PALM2AKAP2: variants seen among roughly 807,000 people sequenced by gnomAD.
The protein encoded by PALM2AKAP2 is PALM2-AKAP2 fusion protein.
PALM2AKAP2 carries 37 observed loss-of-function variants against 71.5 expected under a neutral mutation model. The ratio of observed to expected loss-of-function variants is 0.52; its 90% CI spans 0.40 to 0.68. The LOEUF (loss-of-function observed/expected upper bound fraction) is 0.68. PALM2AKAP2 is among the 30% of genes least tolerant of loss of function. The pLI, the probability that PALM2AKAP2 is intolerant of heterozygous loss-of-function variation, is 0.00. For synonymous variants in PALM2AKAP2, 468 were observed against 478.8 expected, an observed-to-expected ratio of 0.98 and a Z score of 0.29; for missense variants, 1,224 against 1,191.8, an observed-to-expected ratio of 1.03 and a Z score of -0.40.
In PALM2AKAP2 at chr9:110,016,980, T is replaced by C. The variant is rs375114394; in HGVS notation, c.582+941T>C. 9.3e-3 allele frequency among the ~76,000 whole-genome samples: 1,418 copies of C among 152,162 alleles called. 29 individuals are homozygous for C. The highest frequency in any genetic ancestry group is 0.031 in the African/African-American group (1,273 of 41,496). On this transcript the variant is annotated intron_variant, in intron 7 of 9. Transcript: ENST00000302798. ...CTGCAAGCTCCGCCTCCCGGGTTCATGCCATTCTCCTGCCTCAGCCTCCTG... is the reference window on the plus strand; with the variant it reads ...CTGCAAGCTCCGCCTCCCGGGTTCACGCCATTCTCCTGCCTCAGCCTCCTG...
At chr9:109,663,962 G>C (rs553742781) in intron 1 of PALM2AKAP2, among the ~76,000 whole-genome samples, 26 of 152,158 alleles carry the variant, frequency 1.7e-4, no homozygotes, top group Non-Finnish European at 3.2e-4. Flanking sequence ...TGTCTCTTTT[G>C]ATCTTTGTTG....
At chr9:110,136,544 A>G in exon 2 of PALM2AKAP2, 6 of 1,613,514 alleles carry the variant, frequency 3.7e-6, no homozygotes, top group Non-Finnish European at 5.1e-6. Context: ...GCCAGAACCC[A>G]CTGAAAGAAC....
chr9:109,655,025 C>T (rs1395573178), intron 1 of PALM2AKAP2, among the ~76,000 whole-genome samples: 1 of 152,142 alleles, frequency 6.6e-6, no homozygotes, highest in East Asian at 1.9e-4. Flanking sequence ...CGCGGTGGCT[C>T]ACGCCTGTAA....
chr9:109,823,680 T>A (rs948317559), intron 1 of PALM2AKAP2, among the ~76,000 whole-genome samples: 2 of 152,136 alleles, frequency 1.3e-5, no homozygotes, highest in African/African-American at 2.4e-5. Flanking sequence ...CTCTCCCTGT[T>A]ACTGTGGGAA....
chr9:109,925,190 C>T, intron 5 of PALM2AKAP2, 108 bp downstream of exon 5: 1 of 1,548,526 alleles, frequency 6.5e-7, no homozygotes, highest in Non-Finnish European at 8.9e-7. Context: ...TTTGTAAAGG[C>T]ATCAGAAGAA....
intron 6 of PALM2AKAP2, among the ~76,000 whole-genome samples, chr9:109,948,372 A>T (rs912393488): frequency 3.9e-5 from 6 of 152,222 alleles, no homozygotes; most frequent in African/African-American, 7.2e-5. Flanking sequence ...CCTTTCCAGT[A>T]TAATATAAGA....
intron 7 of PALM2AKAP2, among the ~76,000 whole-genome samples, chr9:110,018,749 T>C (rs1369555148): frequency 6.6e-6 from 1 of 152,236 alleles, no homozygotes; most frequent in Non-Finnish European, 1.5e-5. Flanking sequence ...TGGATATAAC[T>C]ACAGAAAATG....
chr9:110,094,857 A>C (rs2118821626), intron 1 of PALM2AKAP2, among the ~76,000 whole-genome samples: 1 of 152,352 alleles, frequency 6.6e-6, no homozygotes, highest in Non-Finnish European at 1.5e-5. Context: ...ACTGTAGCAA[A>C]TAATGGAAAA....
chr9:110,162,206 C>A lies in PALM2AKAP2; in HGVS notation c.2748+5709C>A. On this transcript the variant is annotated intron_variant, in intron 3 of 3. Transcript: ENST00000374525. ...TGCATGCTGTTGTGGTTTGCCATTT[C>A]CTGATGAGTTAAACGAAAATGGCAA... 3.2e-6 allele frequency: 5 copies of A among 1,584,334 alleles called. No homozygotes were observed. The South Asian group carries it at 3.3e-5, about 11-fold the overall frequency.
At chr9:109,733,166 A>G (rs1343415189) in intron 1 of PALM2AKAP2, among the ~76,000 whole-genome samples, 3 of 152,210 alleles carry the variant, frequency 2.0e-5, no homozygotes, top group African/African-American at 4.8e-5. Flanking sequence ...GGAAACTAGA[A>G]TGGGAAATAG....
intron 1 of PALM2AKAP2, among the ~76,000 whole-genome samples, chr9:109,838,988 C>T (rs1353083552): frequency 2.6e-5 from 4 of 152,146 alleles, no homozygotes; most frequent in South Asian, 2.1e-4. Context: ...CCTTCTGAAA[C>T]GATTCCAATG....
intron 2 of PALM2AKAP2, among the ~76,000 whole-genome samples, chr9:109,876,505 G>GTCA (rs1246125833): frequency 6.6e-6 from 1 of 152,060 alleles, no homozygotes; most frequent in East Asian, 1.9e-4. Context: ...TTGAGACAGA[G>GTCA]TCATGCTCTG....
At chr9:109,857,322 C>G (rs1204737113) in intron 1 of PALM2AKAP2, among the ~76,000 whole-genome samples, 1 of 152,198 alleles carries the variant, frequency 6.6e-6, no homozygotes, top group African/African-American at 2.4e-5. Context: ...TGCATTTGCT[C>G]TTTTCATTAG....
intron 2 of PALM2AKAP2, among the ~76,000 whole-genome samples, chr9:109,872,753 A>C (rs981387172): frequency 2.0e-5 from 3 of 152,184 alleles, no homozygotes; most frequent in African/African-American, 7.2e-5. Flanking sequence ...ACTTGCTACA[A>C]AGATATTACA....
At chr9:109,657,300 T>C (rs1162001968) in intron 1 of PALM2AKAP2, among the ~76,000 whole-genome samples, 2 of 152,264 alleles carry the variant, frequency 1.3e-5, no homozygotes, top group Non-Finnish European at 2.9e-5. Flanking sequence ...CCATGAAATA[T>C]CATGACTGAT....
At chr9:109,907,072 C>T (rs870973) in intron 3 of PALM2AKAP2, among the ~76,000 whole-genome samples, 7,035 of 152,172 alleles carry the variant, frequency 0.046, 356 homozygotes, top group East Asian at 0.26. Context: ...ACCTCTATGC[C>T]TTGATCATTT....
chr9:109,674,220 T>C (rs1827616504), intron 1 of PALM2AKAP2, among the ~76,000 whole-genome samples: 1 of 152,012 alleles, frequency 6.6e-6, no homozygotes. Context: ...TTCTTATCTT[T>C]TTATTCATCA....
intron 7 of PALM2AKAP2, among the ~76,000 whole-genome samples, chr9:110,033,060 A>C (rs1385137790): frequency 6.6e-6 from 1 of 152,236 alleles, no homozygotes; most frequent in African/African-American, 2.4e-5. Context: ...TTTTGGAGAC[A>C]AAACCTTATT....
intron 1 of PALM2AKAP2, among the ~76,000 whole-genome samples, chr9:110,070,719 C>T (rs1290974699): frequency 6.6e-6 from 1 of 152,178 alleles, no homozygotes; most frequent in Non-Finnish European, 1.5e-5. Flanking sequence ...GAGAGAGGAG[C>T]CTGACCTTTG....
Sources: allele counts gnomAD v4.1 joint callset (sites outside exome capture counted in the v4.1 genomes callset), GRCh38; gene constraint gnomAD v4.1.1; transcripts MANE v1.5; gene names NCBI Gene and HGNC (gene_info 2026-07-23, HGNC 2026-07-21).